HCRTR2: variants seen among roughly 807,000 people sequenced by gnomAD.
HCRTR2 encodes the protein orexin receptor type 2.
HCRTR2 carries 22 observed loss-of-function variants against 49.0 expected under a neutral mutation model. That is an observed-to-expected ratio of 0.45 (90% confidence interval 0.32 to 0.64). The LOEUF (loss-of-function observed/expected upper bound fraction) is 0.64. Among genes scored for constraint, HCRTR2 ranks in the 30% least tolerant of loss-of-function variants. The pLI is 0.04. For synonymous variants in HCRTR2, 236 were observed against 205.3 expected (o/e 1.15, Z -1.28); for missense variants, 491 against 559.4 (o/e 0.88, Z 1.23).
At chr6:55,144,534 T>C (rs1193926205) in intron 1 of HCRTR2, among the ~76,000 whole-genome samples, 1 of 152,168 alleles carries the variant, frequency 6.6e-6, no homozygotes, top group Admixed American at 6.5e-5. Flanking sequence ...GAAGACAATT[T>C]TCCTAAATAC....
At chr6:55,203,262 G>A (rs1160483655) in intron 1 of HCRTR2, among the ~76,000 whole-genome samples, 2 of 152,132 alleles carry the variant, frequency 1.3e-5, no homozygotes, top group African/African-American at 4.8e-5. Context: ...CAAATAACAA[G>A]CATAGCTCCA....
chr6:55,180,438 T>C (rs1765111747), intron 1 of HCRTR2, among the ~76,000 whole-genome samples: 2 of 152,240 alleles, frequency 1.3e-5, no homozygotes, highest in Admixed American at 1.3e-4. Context: ...CATGCTGTTT[T>C]TCTGATAGAC....
chr6:55,139,135 C>T (rs1764473139), intron 1 of HCRTR2, among the ~76,000 whole-genome samples: 1 of 152,110 alleles, frequency 6.6e-6, no homozygotes, highest in Non-Finnish European at 1.5e-5. Context: ...GTAAATGTGG[C>T]TATCCTAGGG....
chr6:55,191,076 A>C (rs1765307474), intron 1 of HCRTR2, among the ~76,000 whole-genome samples: 1 of 152,220 alleles, frequency 6.6e-6, no homozygotes, highest in Non-Finnish European at 1.5e-5. Context: ...AAATTACAGC[A>C]AAAAGACCAA....
chr6:55,262,386 TATATATAA>T (rs1766776769), intron 3 of HCRTR2, among the ~76,000 whole-genome samples: 2 of 135,606 alleles, frequency 1.5e-5, no homozygotes, highest in African/African-American at 2.9e-5. Flanking sequence ...TATATAATAT[TATATATAA>T]ATATATAATG....
intron 1 of HCRTR2, among the ~76,000 whole-genome samples, chr6:55,240,221 G>A (rs948344608): frequency 1.5e-4 from 23 of 151,658 alleles, no homozygotes; most frequent in African/African-American, 2.2e-4. Context: ...AGCCAGGCGC[G>A]GTGGCGGGCG....
intron 1 of HCRTR2, among the ~76,000 whole-genome samples, chr6:55,125,784 C>A (rs936145169): frequency 6.6e-6 from 1 of 151,450 alleles, no homozygotes; most frequent in African/African-American, 2.4e-5. Flanking sequence ...TCACATAGTC[C>A]CATATTTCTT....
At chr6:55,275,870 C>T (rs928380774) in intron 4 of HCRTR2, among the ~76,000 whole-genome samples, 8 of 151,972 alleles carry the variant, frequency 5.3e-5, no homozygotes, top group Admixed American at 6.6e-5. Context: ...TTTCTAATGG[C>T]GGCAGAAGTC....
intron 1 of HCRTR2, among the ~76,000 whole-genome samples, chr6:55,147,500 T>G (rs1764611048): frequency 6.6e-6 from 1 of 152,162 alleles, no homozygotes; most frequent in Admixed American, 6.5e-5. Context: ...AAATAGGTAC[T>G]GTTACTATCC....
chr6:55,271,155 C>G (rs1025446828), intron 4 of HCRTR2, among the ~76,000 whole-genome samples: 1 of 152,004 alleles, frequency 6.6e-6, no homozygotes. Flanking sequence ...TAACAAAAAG[C>G]CACAGTAACT....
At chr6:55,113,542 C>T (rs1764078370) in intron 1 of HCRTR2, among the ~76,000 whole-genome samples, 1 of 152,130 alleles carries the variant, frequency 6.6e-6, no homozygotes, top group Middle Eastern at 3.4e-3. Flanking sequence ...CTCAACATCA[C>T]TAATTATCAG....
rs1056070719 is a variant in HCRTR2, at chr6:55,254,933, T to C, written c.403-203T>C. Among the ~76,000 whole-genome samples, 7 of 152,192 alleles carry C rather than the reference T, an allele frequency of 4.6e-5. No individual in the cohort carries two copies. The South Asian group carries it at 6.2e-4, about 13-fold the overall frequency. ...ACCTTTTCATGTTTAACAATAAATT[T>C]ACATTTAAAAGTATATTTCTAATAT... On this transcript the variant is annotated intron_variant, in intron 2 of 6. Transcript: ENST00000370862.
intron 1 of HCRTR2, among the ~76,000 whole-genome samples, chr6:55,122,757 C>T (rs1195814653): frequency 2.0e-5 from 3 of 152,086 alleles, no homozygotes; most frequent in East Asian, 1.9e-4. Context: ...GAAAATGTGA[C>T]ACATGTACAC....
At chr6:55,257,007 C>A (rs1012949488) in intron 3 of HCRTR2, among the ~76,000 whole-genome samples, 2 of 152,084 alleles carry the variant, frequency 1.3e-5, no homozygotes, top group East Asian at 1.9e-4. Flanking sequence ...TGCTAACATT[C>A]CAGCAGAACA....
At chr6:55,119,963 G>C (rs977458766) in intron 1 of HCRTR2, among the ~76,000 whole-genome samples, 2 of 152,072 alleles carry the variant, frequency 1.3e-5, no homozygotes, top group Non-Finnish European at 2.9e-5. Flanking sequence ...TATAAGGAAG[G>C]GGTCCAGTTT....
At chr6:55,114,697 G>T in intron 1 of HCRTR2, among the ~76,000 whole-genome samples, 1 of 151,742 alleles carries the variant, frequency 6.6e-6, no homozygotes, top group East Asian at 1.9e-4. Context: ...ATTTTCAGAT[G>T]ATGAGTATAA....
chr6:55,259,314 G>T (rs1299029968), intron 3 of HCRTR2, among the ~76,000 whole-genome samples: 2 of 151,850 alleles, frequency 1.3e-5, no homozygotes, highest in Non-Finnish European at 2.9e-5. Flanking sequence ...ATGTGTATAA[G>T]TCTATTAATG....
At chr6:55,242,407 A>G (rs1300365321) in intron 1 of HCRTR2, among the ~76,000 whole-genome samples, 7 of 152,016 alleles carry the variant, frequency 4.6e-5, no homozygotes, top group Non-Finnish European at 1.0e-4. Flanking sequence ...TCTACTTTCT[A>G]TCTGTCTGAT....
At chr6:55,243,050 G>A (rs2127307703) in intron 1 of HCRTR2, among the ~76,000 whole-genome samples, 1 of 150,746 alleles carries the variant, frequency 6.6e-6, no homozygotes, top group South Asian at 2.1e-4. Flanking sequence ...TACGGAGAAT[G>A]TGCAGGAGCT....
Sources: gnomAD v4.1 joint callset for allele counts (sites outside exome capture counted in the v4.1 genomes callset) on GRCh38, gnomAD v4.1.1 for gene constraint, MANE v1.5 for transcripts, NCBI Gene and HGNC (gene_info 2026-07-23, HGNC 2026-07-21) for gene names.